The following TBC1D19 variants were observed in gnomAD, a reference collection of about 807,000 sequenced individuals.
TBC1D19 encodes the protein TBC1 domain family member 19.
A neutral mutation model predicts 89.0 loss-of-function variants in TBC1D19; 60 were observed. That is an observed-to-expected ratio of 0.67 (90% CI 0.55 to 0.84). TBC1D19 has a LOEUF of 0.84. Among genes scored for constraint, TBC1D19 ranks in the 40% least tolerant of loss-of-function variants. The pLI, the probability that TBC1D19 is intolerant of heterozygous loss-of-function variation, is 0.00. For missense variants in TBC1D19, 500 were observed against 610.8 expected, an observed-to-expected ratio of 0.82 and a Z score of 1.91; for synonymous variants, 189 against 199.7, an observed-to-expected ratio of 0.95 and a Z score of 0.45.
the TBC1D19 span, among the ~76,000 whole-genome samples, chr4:26,835,268 G>A: frequency 2.6e-5 from 4 of 152,150 alleles, no homozygotes; most frequent in East Asian, 7.7e-4. Context: ...GCCAAGGAAT[G>A]CAGGTAGCCT....
At chr4:26,735,519 C>T (rs546988375) in intron 16 of TBC1D19, 32 bp downstream of exon 16, 2 of 1,520,546 alleles carry the variant, frequency 1.3e-6, no homozygotes, top group Middle Eastern at 1.7e-4. Context: ...TCATAATGTA[C>T]ACAAAACATA....
In TBC1D19 at chr4:26,650,161, C is replaced by T. The variant is rs1436010376; in HGVS notation, c.481-9436C>T. Among the ~76,000 whole-genome samples the T allele has an allele frequency of 9.2e-5, 14 of 151,960 alleles. No individual in the cohort carries two copies. In the East Asian group the frequency reaches 1.5e-3, roughly 17 times the overall value. On this transcript the variant is annotated intron_variant, in intron 7 of 20. Transcript: ENST00000264866. ...AAGTCTTTGCTATTGTGAATAGTGCCGCAGAAAACATACGTGTGCATGTGT... is the reference window on the plus strand; with the variant it reads ...AAGTCTTTGCTATTGTGAATAGTGCTGCAGAAAACATACGTGTGCATGTGT...
intron 13 of TBC1D19, among the ~76,000 whole-genome samples, chr4:26,699,558 G>A (rs973869958): frequency 6.6e-6 from 1 of 152,152 alleles, no homozygotes; most frequent in African/African-American, 2.4e-5. Context: ...AAAGGGACAT[G>A]CACACATATG....
chr4:26,775,094 T>G, the TBC1D19 span, among the ~76,000 whole-genome samples: 1 of 152,198 alleles, frequency 6.6e-6, no homozygotes, highest in Non-Finnish European at 1.5e-5. Context: ...TAAATTGCAT[T>G]TTAATAATTT....
In TBC1D19 at chr4:26,688,601, A is replaced by G. The variant is rs939043027; in HGVS notation, c.954+194A>G. Among the ~76,000 whole-genome samples, 4 of 152,030 alleles carry G rather than the reference A, an allele frequency of 2.6e-5. No individual in the cohort carries two copies. In the East Asian group the frequency reaches 7.7e-4, roughly 29 times the overall value. ...ATTAGATAGGAGAATAAGAGTTCCC[A>G]ATTGTTTCTTTTTGTCATATATGGT... On this transcript the variant is annotated intron_variant, in intron 13 of 20. Transcript: ENST00000264866.
rs770719651 is a variant in TBC1D19 at position 26,584,186 on chromosome 4, C to A, written c.-8C>A. 6.2e-6 allele frequency: 10 copies of A among 1,606,934 alleles called. No individual in the cohort carries two copies. The highest frequency in any genetic ancestry group is 8.5e-6 in the Non-Finnish European group (10 of 1,177,710). ...GTCCCCGCGGCTTGGCGGGCTAGGGCAGGGGAAATGTTGCAGGAGGAGTCG... is the reference window on the plus strand; with the variant it reads ...GTCCCCGCGGCTTGGCGGGCTAGGGAAGGGGAAATGTTGCAGGAGGAGTCG... On this transcript the variant is annotated 5_prime_UTR_variant, in exon 1 of 21. Transcript: ENST00000264866.
intron 13 of TBC1D19, among the ~76,000 whole-genome samples, chr4:26,702,629 T>G (rs1391335542): frequency 6.6e-6 from 1 of 152,202 alleles, no homozygotes; most frequent in Non-Finnish European, 1.5e-5. Flanking sequence ...TTTACATAAT[T>G]TTTTCAGTCA....
chr4:26,809,673 C>T, the TBC1D19 span, among the ~76,000 whole-genome samples: 6 of 152,220 alleles, frequency 3.9e-5, no homozygotes, highest in South Asian at 4.2e-4. Flanking sequence ...CAGCTGAGAC[C>T]GCTGGGCAAT....
intron 15 of TBC1D19, among the ~76,000 whole-genome samples, chr4:26,732,444 A>G (rs1276894232): frequency 6.6e-6 from 1 of 151,960 alleles, no homozygotes; most frequent in Non-Finnish European, 1.5e-5. Flanking sequence ...TTTTATTATG[A>G]TTGTTTTGTC....
At chr4:26,577,285 G>A (rs1209712677) in intron 1 of TBC1D19, among the ~76,000 whole-genome samples, 1 of 149,748 alleles carries the variant, frequency 6.7e-6, no homozygotes, top group Non-Finnish European at 1.5e-5. Flanking sequence ...TCTCTCTCGT[G>A]TGTGTGTGTG....
chr4:26,676,401 C>T (rs912267008), intron 11 of TBC1D19, among the ~76,000 whole-genome samples: 1 of 152,176 alleles, frequency 6.6e-6, no homozygotes, highest in Non-Finnish European at 1.5e-5. Context: ...CTGGTCCTTT[C>T]CTCAACTACT....
the TBC1D19 span, among the ~76,000 whole-genome samples, chr4:26,783,566 T>A: frequency 0.025 from 3,808 of 152,016 alleles, 172 homozygotes; most frequent in African/African-American, 0.086. Flanking sequence ...GCACATTTTT[T>A]AAAAAAAAGA....
intron 13 of TBC1D19, among the ~76,000 whole-genome samples, chr4:26,716,325 G>T (rs1224139400): frequency 1.3e-5 from 2 of 152,036 alleles, no homozygotes; most frequent in Admixed American, 1.3e-4. Context: ...TAAGTAAAAG[G>T]CATGGCAGGT....
chr4:26,654,686 C>T (rs1418708517), intron 7 of TBC1D19, among the ~76,000 whole-genome samples: 1 of 152,194 alleles, frequency 6.6e-6, no homozygotes. Context: ...GAGGCTTGTG[C>T]ATTCGTCACG....
chr4:26,654,831 A>T (rs1744675845), intron 7 of TBC1D19, among the ~76,000 whole-genome samples: 1 of 152,098 alleles, frequency 6.6e-6, no homozygotes, highest in African/African-American at 2.4e-5. Flanking sequence ...TTCCTCCTTT[A>T]GCTCGGAGTA....
intron 1 of TBC1D19, among the ~76,000 whole-genome samples, chr4:26,577,382 G>A (rs1327941084): frequency 1.3e-5 from 2 of 151,954 alleles, no homozygotes; most frequent in Non-Finnish European, 2.9e-5. Flanking sequence ...CACCTCTCTT[G>A]TCATTTTTTG....
chr4:26,713,275 G>A (rs894027413), intron 13 of TBC1D19, among the ~76,000 whole-genome samples: 3 of 151,934 alleles, frequency 2.0e-5, no homozygotes, highest in Non-Finnish European at 4.4e-5. Flanking sequence ...CCATTTCTAA[G>A]GGTACAGTTT....
intron 4 of TBC1D19, among the ~76,000 whole-genome samples, chr4:26,630,189 A>T (rs1289842918): frequency 6.6e-6 from 1 of 151,870 alleles, no homozygotes; most frequent in East Asian, 1.9e-4. Flanking sequence ...TTTGCTTCTC[A>T]TACTTAGAAA....
chr4:26,677,953 T>A (rs1712984870), intron 11 of TBC1D19, among the ~76,000 whole-genome samples: 1 of 152,212 alleles, frequency 6.6e-6, no homozygotes, highest in African/African-American at 2.4e-5. Flanking sequence ...CATAACAGCA[T>A]GAGAATGGAC....
Sources: gnomAD v4.1 joint callset for allele counts (sites outside exome capture counted in the v4.1 genomes callset) on GRCh38, gnomAD v4.1.1 for gene constraint, MANE v1.5 for transcripts, NCBI Gene and HGNC (gene_info 2026-07-23, HGNC 2026-07-21) for gene names.